The following CUL9 variants were observed in gnomAD, a reference collection of about 807,000 sequenced individuals.
CUL9 encodes cullin 9, also known as cullin-9.
Under a neutral mutation model 272.6 loss-of-function variants are expected in CUL9, and 79 were observed. The observed-to-expected ratio is 0.29, with a 90% CI of 0.24 to 0.35. The LOEUF is 0.35. Ranked by LOEUF, CUL9 falls within the 10% of genes least tolerant of loss-of-function variation. The probability of loss-of-function intolerance (pLI) is 1.00; values close to 1 mark genes in which losing one functional copy is unlikely to be tolerated. For missense variants in CUL9, 2,532 were observed against 3,255.6 expected, an observed-to-expected ratio of 0.78 and a Z score of 5.41; for synonymous variants, 1,186 against 1,286.5, an observed-to-expected ratio of 0.92 and a Z score of 1.67.
In CUL9 at chr6:43,186,281, A is replaced by C. The variant is rs1449050495; in HGVS notation, c.1077A>C (p.Gln359His). 1.2e-6 allele frequency: 2 copies of C among 1,614,230 alleles called. No individual in the cohort carries two copies. Among genetic ancestry groups the C allele is most frequent in the Non-Finnish European group, 1.7e-6 (2 of 1,180,044 alleles). Residue 359 changes from glutamine (Q) to histidine (H), a missense_variant, in exon 4 of 41, where the codon CAA (glutamine) becomes CAC (histidine). Physicochemically the swap from Gln to His is conservative, Grantham distance 24. Coordinates refer to ENST00000252050, the MANE Select transcript of CUL9 (RefSeq NM_015089.4). ...LPTIVTTPRR[Q>H]GWVFRQRSEF... Reference sequence around the variant, plus strand: ...CCATTGTCACCACCCCCAGAAGACAAGGGTGGGTCTTCCGCCAGCGCTCTG... The same window carrying C: ...CCATTGTCACCACCCCCAGAAGACACGGGTGGGTCTTCCGCCAGCGCTCTG...
chr6:43,195,531 G>C (rs987430076), intron 9 of CUL9, among the ~76,000 whole-genome samples: 1 of 152,196 alleles, frequency 6.6e-6, no homozygotes, highest in Non-Finnish European at 1.5e-5. Flanking sequence ...GTGTGGGTGA[G>C]TGCAGAGTCC....
chr6:43,215,464 G>T, intron 30 of CUL9, 138 bp downstream of exon 30: 1 of 1,324,346 alleles, frequency 7.6e-7, no homozygotes, highest in Non-Finnish European at 1.0e-6. Flanking sequence ...CCTGACTTTG[G>T]TAGTTTTTAT....
At chr6:43,185,929 C>A (rs750422594) in intron 3 of CUL9, 26 bp from the exon 4 acceptor site, 10 of 1,569,796 alleles carry the variant, frequency 6.4e-6, no homozygotes, top group African/African-American at 5.5e-5. Context: ...AAGAGATGAA[C>A]CTGTCCCAAG....
chr6:43,198,771 A>C lies in CUL9; in HGVS notation c.2966A>C (p.Gln989Pro), dbSNP rs1412566983. The C allele has an allele frequency of 1.9e-6, 3 of 1,613,996 alleles. No individual in the cohort carries two copies. Among genetic ancestry groups the C allele is most frequent in the Non-Finnish European group, 2.5e-6 (3 of 1,180,048 alleles). ...GTGAGGCCCCTCCTCAAGCGCCTCC[A>C]GCAGGAGACCCAGCCTTTCCTCCTG... ...GAVRPLLKRL[Q>P]QETQPFLLLL... Residue 989 changes from glutamine (Q) to proline (P), a missense_variant, in exon 12 of 41, where the codon CAG (glutamine) becomes CCG (proline). This residue lies in a region of CUL9 where 2,218 missense variants were observed against 2,788.6 expected (regional missense o/e 0.80). Coordinates refer to ENST00000252050, the MANE Select transcript of CUL9 (RefSeq NM_015089.4).
rs765556577 is a variant in CUL9, at chr6:43,187,311, C to T, written c.1453C>T (p.Pro485Ser). 6.2e-7 allele frequency: 1 copy of T among 1,614,128 alleles called. No homozygotes were observed. The highest frequency in any genetic ancestry group is 1.1e-5 in the South Asian group (1 of 91,088). Residue 485 changes from proline (P) to serine (S), a missense_variant, in exon 6 of 41, where the codon CCT (proline) becomes TCT (serine). This residue lies in a region of CUL9 where 2,218 missense variants were observed against 2,788.6 expected (regional missense o/e 0.80). Coordinates refer to ENST00000252050, the MANE Select transcript of CUL9 (RefSeq NM_015089.4). ...CCCTTTGCCGTACCTCCAGCCCGAA[C>T]CTCAGAAGAATGAGAGAGTGGGATA... is the stretch of plus-strand genomic sequence containing the variant. ...LYPLPYLQPE[P>S]QKNERVGYLT...
At chr6:43,210,255 C>T (rs577665461) in intron 26 of CUL9, among the ~76,000 whole-genome samples, 168 of 152,222 alleles carry the variant, frequency 1.1e-3, no homozygotes, top group African/African-American at 3.2e-3. Flanking sequence ...GGACTACAGG[C>T]GTGAGCCACC....
At chr6:43,210,187 C>A (rs1775363171) in intron 26 of CUL9, among the ~76,000 whole-genome samples, 1 of 152,006 alleles carries the variant, frequency 6.6e-6, no homozygotes, top group Non-Finnish European at 1.5e-5. Flanking sequence ...CCATGTTGGC[C>A]AGTCTGGTCT....
chr6:43,204,601 C>T (rs1434836951), intron 21 of CUL9, 62 bp downstream of exon 21: 3 of 1,601,028 alleles, frequency 1.9e-6, no homozygotes, highest in African/African-American at 1.3e-5. Flanking sequence ...TGGCTCCCTC[C>T]TCCCTGGGTC....
At chr6:43,187,200 C>T (rs772444496) in intron 5 of CUL9, 46 bp from the exon 6 acceptor site, 23 of 1,606,798 alleles carry the variant, frequency 1.4e-5, no homozygotes, top group Middle Eastern at 1.7e-4. Context: ...CAGAAATAGA[C>T]CCCATTCCTG....
At chr6:43,195,036 C>T (rs548899508) in intron 9 of CUL9, among the ~76,000 whole-genome samples, 2 of 152,312 alleles carry the variant, frequency 1.3e-5, no homozygotes, top group South Asian at 4.1e-4. Flanking sequence ...GCCTGGGCGA[C>T]AGAGTGAGAC....
At position 43,220,339 on chromosome 6, in the gene CUL9, TG is replaced by T; in HGVS notation, c.6283-118del. The T allele has an allele frequency of 8.4e-7, 1 of 1,191,494 alleles. No individual in the cohort carries two copies. Among genetic ancestry groups the T allele is most frequent in the Non-Finnish European group, 1.2e-6 (1 of 833,222 alleles). 73.8% of individuals were successfully genotyped at this position (1,191,494 alleles called of 1,614,324 possible). A position where few individuals can be genotyped will look rare whatever the true frequency, so the allele number is the denominator to read the frequency against. ...GTTGATCTAGAGGCAGGCTTGTTTC[TG>T]GCCTTCCACGTTGTAGTGGAGGGGA... On this transcript the variant is annotated intron_variant, in intron 31 of 40. Transcript: ENST00000252050. This position sits in a 1 kb window ranked among gnomAD's most constrained non-coding sequence, Gnocchi z 4.9.
chr6:43,186,844 A>G, intron 4 of CUL9, 116 bp from the exon 5 acceptor site: 1 of 1,320,364 alleles, frequency 7.6e-7, no homozygotes, highest in Non-Finnish European at 1.0e-6. Flanking sequence ...CCAGGTGTGT[A>G]TCTGAGGGTG....
At chr6:43,195,310 T>A (rs923776346) in intron 9 of CUL9, among the ~76,000 whole-genome samples, 5 of 152,204 alleles carry the variant, frequency 3.3e-5, no homozygotes, top group African/African-American at 1.2e-4. Context: ...GATTGTATAG[T>A]GTCTATTTTA....
rs749445996 is a variant in CUL9 at position 43,222,737 on chromosome 6, TGAG to T, written c.7033-38_7033-36del. ...ATCGGACTTGCCTGGGTGAAGGGAA[TGAG>T]GAGAGGGCAGGCGGGAGAGCTGATG... On this transcript the variant is annotated intron_variant, in intron 37 of 40. Coordinates refer to ENST00000252050, the MANE Select transcript of CUL9 (RefSeq NM_015089.4). 13 of 1,608,022 alleles carry T rather than the reference TGAG, an allele frequency of 8.1e-6. No homozygotes were observed. The Middle Eastern group carries it at 5.0e-4, about 61-fold the overall frequency.
intron 38 of CUL9, 100 bp downstream of exon 38, chr6:43,222,996 T>C: frequency 1.0e-6 from 1 of 1,000,230 alleles, no homozygotes; most frequent in Non-Finnish European, 1.5e-6. Flanking sequence ...TTACCTTCCC[T>C]CTCTCCTCTT....
chr6:43,184,105 C>T lies in CUL9; in HGVS notation c.-9-197C>T, dbSNP rs1404979669. 6.6e-6 allele frequency among the ~76,000 whole-genome samples: 1 copy of T among 152,134 alleles called. No individual in the cohort carries two copies. The highest frequency in any genetic ancestry group is 2.4e-5 in the African/African-American group (1 of 41,432). ...ATCCCCTCTCTGTCTTCACTCCATT[C>T]TCCTTCTGTTATAAATCCCAAAGTA... On this transcript the variant is annotated intron_variant, in intron 1 of 40. Transcript: ENST00000252050. This position sits in a 1 kb window ranked among gnomAD's most constrained non-coding sequence, Gnocchi z 4.8.
At chr6:43,217,682 G>A (rs1776037960) in intron 31 of CUL9, among the ~76,000 whole-genome samples, 1 of 152,220 alleles carries the variant, frequency 6.6e-6, no homozygotes, top group South Asian at 2.1e-4. Flanking sequence ...CCCTTTGGCT[G>A]TGCTTCTGGC....
rs1415447282 is a variant in CUL9, at chr6:43,200,725, C to A, written c.3538C>A (p.His1180Asn). The change falls in exon 16 of 41, where the codon CAC becomes AAC. Residue 1180 changes from histidine (H) to asparagine (N), a missense_variant. This residue lies in a region of CUL9 where 2,218 missense variants were observed against 2,788.6 expected (regional missense o/e 0.80). Transcript: ENST00000252050. The surrounding 1 kb of genome is among the most constrained non-coding windows in gnomAD (Gnocchi z 4.0). ...GAAGGTGGAGGTGTCCTCCAACCCGCACCGAGCCAGCAAGCTGACGGACCA... is the reference window on the plus strand; with the variant it reads ...GAAGGTGGAGGTGTCCTCCAACCCGAACCGAGCCAGCAAGCTGACGGACCA... ...WEKVEVSSNPHRASKLTDHNP... is the reference protein window; with the variant it reads ...WEKVEVSSNPNRASKLTDHNP... 11 of 1,614,236 alleles carry A rather than the reference C, an allele frequency of 6.8e-6. No homozygotes were observed. The highest frequency in any genetic ancestry group is 9.3e-6 in the Non-Finnish European group (11 of 1,180,036).
chr6:43,185,992 A>C lies in CUL9; in HGVS notation c.788A>C (p.Tyr263Ser), dbSNP rs764405319. 6.2e-7 allele frequency: 1 copy of C among 1,613,206 alleles called. No individual in the cohort carries two copies. The highest frequency in any genetic ancestry group is 8.5e-7 in the Non-Finnish European group (1 of 1,179,466). Residue 263 changes from tyrosine to serine, a missense_variant, in exon 4 of 41, where the codon TAC becomes TCC. This residue lies in a region of CUL9 where 2,218 missense variants were observed against 2,788.6 expected (regional missense o/e 0.80). Coordinates refer to ENST00000252050, the MANE Select transcript of CUL9 (RefSeq NM_015089.4). ...GKLLFSLVKR[Y>S]LCVTSLLDQL... ...CTGCTTTTCTCCTTGGTGAAGCGCTACCTTTGTGTCACGTCCCTCCTGGAT... is the reference window on the plus strand; with the variant it reads ...CTGCTTTTCTCCTTGGTGAAGCGCTCCCTTTGTGTCACGTCCCTCCTGGAT...
Sources: allele counts gnomAD v4.1 joint callset (sites outside exome capture counted in the v4.1 genomes callset), GRCh38; gene constraint gnomAD v4.1.1; regional missense constraint gnomAD v4.1.1; non-coding constraint Gnocchi (gnomAD v3.1); transcripts MANE v1.5; gene names NCBI Gene and HGNC (gene_info 2026-07-23, HGNC 2026-07-21).